Variants in PIP4K2B observed in about 807,000 individuals in gnomAD.
PIP4K2B encodes the protein phosphatidylinositol 5-phosphate 4-kinase type-2 beta.
A neutral mutation model predicts 42.0 loss-of-function variants in PIP4K2B; 3 were observed. That is an observed-to-expected ratio of 0.07 (90% confidence interval 0.03 to 0.18). PIP4K2B has a LOEUF of 0.18. PIP4K2B is among the 10% of genes least tolerant of loss of function. PIP4K2B has a pLI of 1.00. For missense variants in PIP4K2B, 332 were observed against 562.3 expected (o/e 0.59, Z 4.14); for synonymous variants, 204 against 210.1 (o/e 0.97, Z 0.25).
Position 38,779,484 on chromosome 17 carries a change from C to T in PIP4K2B, c.553G>A (p.Gly185Ser), listed in dbSNP as rs111394547. Residue 185 changes from glycine (G) to serine (S), a missense_variant, in exon 5 of 10, where the codon GGC becomes AGC. Around this residue, in one of 6 missense-constraint regions of PIP4K2B, gnomAD observed 186 missense variants for 288.4 expected, o/e 0.64. Coordinates refer to ENST00000619039, the MANE Select transcript of PIP4K2B (RefSeq NM_003559.5). The part of the protein sequence containing the change: ...HGNTLLPQFL[G>S]MYRLTVDGVE... ...CCATCCACGGTCAGGCGGTACATGC[C>T]CAGGAACTGTGGCAAAAGCGTGTTG... The T allele has an allele frequency of 3.5e-3, 5,685 of 1,614,060 alleles. 15 individuals are homozygous for T. Among genetic ancestry groups the T allele is most frequent in the Admixed American group, 4.7e-3 (284 of 60,028 alleles).
intron 1 of PIP4K2B, among the ~76,000 whole-genome samples, chr17:38,796,933 G>A (rs570149292): frequency 9.2e-5 from 14 of 152,206 alleles, no homozygotes; most frequent in South Asian, 2.1e-4. Context: ...TCCCTTAGAC[G>A]AGTGCAAGAT....
At chr17:38,795,438 C>T (rs1160168107) in intron 1 of PIP4K2B, among the ~76,000 whole-genome samples, 1 of 152,046 alleles carries the variant, frequency 6.6e-6, no homozygotes, top group East Asian at 1.9e-4. Context: ...GAGACCCTGT[C>T]TCTACAACAA....
At chr17:38,776,537 A>T in intron 7 of PIP4K2B, 1 of 382,386 alleles carries the variant, frequency 2.6e-6, no homozygotes, top group South Asian at 1.9e-5. Flanking sequence ...GAGGTAGGAG[A>T]ATCACTTGAA....
At chr17:38,797,570 G>A (rs147279770) in intron 1 of PIP4K2B, among the ~76,000 whole-genome samples, 49 of 152,226 alleles carry the variant, frequency 3.2e-4, no homozygotes, top group African/African-American at 1.2e-3. Flanking sequence ...CTCCACCTGA[G>A]GCCTCCTTTT....
Position 38,799,149 on chromosome 17 carries a change from G to C in PIP4K2B, c.159+117C>G. On this transcript the variant is annotated intron_variant, in intron 1 of 9. Coordinates refer to ENST00000619039, the MANE Select transcript of PIP4K2B (RefSeq NM_003559.5). The surrounding 1 kb of genome is among the most constrained non-coding windows in gnomAD (Gnocchi z 4.4). ...GCAAGGGTGGGGTGGGCGTGCAAGT[G>C]GCTTGGCGAGGGGTGGCAGGCGTCA... is the stretch of plus-strand genomic sequence containing the variant. 8.9e-7 allele frequency: 1 copy of C among 1,119,040 alleles called. No homozygotes were observed. 69.3% of individuals were successfully genotyped at this position (1,119,040 alleles called of 1,614,324 possible).
chr17:38,771,348 G>A (rs1210384550), intron 7 of PIP4K2B, 76 bp from the exon 8 acceptor site: 1 of 1,515,832 alleles, frequency 6.6e-7, no homozygotes, highest in South Asian at 1.2e-5. Context: ...CAGAAAGGGG[G>A]GAAAGGCATT....
intron 7 of PIP4K2B, 26 bp downstream of exon 7, chr17:38,777,661 A>C (rs199614946): frequency 1.1e-5 from 16 of 1,421,284 alleles, no homozygotes; most frequent in Middle Eastern, 1.8e-4. Context: ...GGAGCCTTGC[A>C]GGTGAAAATG....
intron 1 of PIP4K2B, 118 bp from the exon 2 acceptor site, chr17:38,787,038 CTTTT>C (rs925401160): frequency 9.2e-6 from 7 of 762,760 alleles, no homozygotes; most frequent in Middle Eastern, 2.3e-4. Context: ...CCCTCTCTGT[CTTTT>C]TTTGTTTTTT....
In PIP4K2B at chr17:38,769,596, C is replaced by T. The variant is rs1908893461; in HGVS notation, c.*95G>A. ...GCCCTCCCAAACCCGACTCTGCTCC[C>T]ACCCTCCCATCTAGCCCAAATACAC... On this transcript the variant is annotated 3_prime_UTR_variant, in exon 10 of 10. Coordinates refer to ENST00000619039, the MANE Select transcript of PIP4K2B (RefSeq NM_003559.5). 1.3e-6 allele frequency: 1 copy of T among 799,166 alleles called. No individual in the cohort carries two copies. 49.5% of individuals were successfully genotyped at this position (799,166 alleles called of 1,614,324 possible).
chr17:38,793,243 TTTC>T (rs1329077522), intron 1 of PIP4K2B, among the ~76,000 whole-genome samples: 1 of 149,328 alleles, frequency 6.7e-6, no homozygotes, highest in Non-Finnish European at 1.5e-5. Flanking sequence ...CTGAAGATTT[TTTC>T]TTTTTTTTTT....
chr17:38,782,686 A>G (rs886068860), intron 3 of PIP4K2B, among the ~76,000 whole-genome samples: 32 of 152,112 alleles, frequency 2.1e-4, no homozygotes, highest in African/African-American at 7.5e-4. Context: ...TTTTCTTTGC[A>G]TGCAAGCCCT....
Position 38,770,425 on chromosome 17 carries a change from A to C in PIP4K2B, c.1170+11T>G, listed in dbSNP as rs779892092. 2 of 1,562,140 alleles carry C rather than the reference A, an allele frequency of 1.3e-6. No homozygotes were observed. Among genetic ancestry groups the C allele is most frequent in the Non-Finnish European group, 1.8e-6 (2 of 1,134,434 alleles). ...CCAGCTGGGCCCTGGATGAAGATGGAGAGGACTCACCCCGTGTTTCACCGT... is the reference window on the plus strand; with the variant it reads ...CCAGCTGGGCCCTGGATGAAGATGGCGAGGACTCACCCCGTGTTTCACCGT... On this transcript the variant is annotated intron_variant, in intron 9 of 9. Coordinates refer to ENST00000619039, the MANE Select transcript of PIP4K2B (RefSeq NM_003559.5).
At chr17:38,771,343 A>AG in intron 7 of PIP4K2B, 71 bp from the exon 8 acceptor site, 4 of 1,534,882 alleles carry the variant, frequency 2.6e-6, no homozygotes, top group South Asian at 1.1e-5. Context: ...ACATCCAGAA[A>AG]GGGGGGAAAG....
rs552200251 is a variant in PIP4K2B, at chr17:38,780,654, T to C, written c.355-50A>G. ...TGGGCTTGGCAGGGGAACAGAATTC[T>C]GACTTTCGCTGAGTCTTCCCTCAGG... On this transcript the variant is annotated intron_variant, in intron 3 of 9. Coordinates refer to ENST00000619039, the MANE Select transcript of PIP4K2B (RefSeq NM_003559.5). The C allele has an allele frequency of 5.7e-6, 9 of 1,573,506 alleles. No individual in the cohort carries two copies. The South Asian group carries it at 1.0e-4, about 18-fold the overall frequency.
In PIP4K2B at chr17:38,772,355, C is replaced by T. The variant is rs925775785; in HGVS notation, c.808-1083G>A. ...AGCATGATAAAATCTTGCTATGTCC[C>T]ATTCAGTGCTGCCCAGGATGCAGAT... On this transcript the variant is annotated intron_variant, in intron 7 of 9. Coordinates refer to ENST00000619039, the MANE Select transcript of PIP4K2B (RefSeq NM_003559.5). Among the ~76,000 whole-genome samples, 5 of 152,240 alleles carry T rather than the reference C, an allele frequency of 3.3e-5. No homozygotes were observed. In the East Asian group the frequency reaches 9.7e-4, roughly 29 times the overall value.
Position 38,778,311 on chromosome 17 carries a change from A to G in PIP4K2B, c.693+23T>C, listed in dbSNP as rs776176306. ...GTTTCTGACTCCAAGCGACCCTTCC[A>G]TTCCTGCTCAGCACCAGCATACCTT... is the stretch of plus-strand genomic sequence containing the variant. On this transcript the variant is annotated intron_variant, in intron 6 of 9. Coordinates refer to ENST00000619039, the MANE Select transcript of PIP4K2B (RefSeq NM_003559.5). 6.8e-6 allele frequency: 11 copies of G among 1,613,060 alleles called. No individual in the cohort carries two copies. The African/African-American group carries it at 1.5e-4, about 22-fold the overall frequency.
intron 1 of PIP4K2B, among the ~76,000 whole-genome samples, chr17:38,795,121 A>AAAAG (rs1910583959): frequency 1.3e-5 from 2 of 150,866 alleles, no homozygotes; most frequent in Middle Eastern, 3.4e-3. Context: ...AAAAAAAAAA[A>AAAAG]AAAGAAAAAT....
intron 1 of PIP4K2B, among the ~76,000 whole-genome samples, chr17:38,796,618 T>C (rs1426927449): frequency 6.6e-6 from 1 of 152,238 alleles, no homozygotes; most frequent in Non-Finnish European, 1.5e-5. Context: ...CATGGGCTCT[T>C]GTCCATGAGA....
rs1908852231 is a variant in PIP4K2B at position 38,768,828 on chromosome 17, T to C, written c.*863A>G. 1 of 152,610 alleles carries C rather than the reference T, an allele frequency of 6.6e-6. No homozygotes were observed. Among genetic ancestry groups the C allele is most frequent in the Non-Finnish European group, 1.5e-5 (1 of 68,048 alleles). The allele number at this position is 152,610 out of a possible 1,614,324, so 9.5% of individuals were successfully genotyped here. ...AAAGGTACTCTAGTTCCTCTTGACC[T>C]AGTGGGAGGCAGGCTTTACAGAGAG... On this transcript the variant is annotated 3_prime_UTR_variant, in exon 10 of 10. Coordinates refer to ENST00000619039, the MANE Select transcript of PIP4K2B (RefSeq NM_003559.5).
Sources: gnomAD v4.1 joint callset for allele counts (sites outside exome capture counted in the v4.1 genomes callset) on GRCh38, gnomAD v4.1.1 for gene constraint, gnomAD v4.1.1 regional missense constraint, Gnocchi (gnomAD v3.1) non-coding constraint, MANE v1.5 for transcripts, NCBI Gene and HGNC (gene_info 2026-07-23, HGNC 2026-07-21) for gene names.